The following SDK1 variants were observed in gnomAD, a reference collection of about 807,000 sequenced individuals.
SDK1 encodes the protein protein sidekick-1.
Under a neutral mutation model 245.5 loss-of-function variants are expected in SDK1, and 157 were observed. The observed-to-expected ratio is 0.64, with a 90% CI of 0.56 to 0.73. SDK1 has a LOEUF of 0.73. SDK1 is among the 30% of genes least tolerant of loss of function. SDK1 has a pLI of 0.00. For synonymous variants in SDK1, 1,647 were observed against 1,278.5 expected, an observed-to-expected ratio of 1.29 and a Z score of -6.15; for missense variants, 3,583 against 3,002.3, an observed-to-expected ratio of 1.19 and a Z score of -4.52.
intron 1 of SDK1, among the ~76,000 whole-genome samples, chr7:3,446,690 C>G (rs1024125698): frequency 3.3e-5 from 5 of 152,204 alleles, no homozygotes; most frequent in Admixed American, 6.5e-5. Flanking sequence ...TATTTTCAAA[C>G]AAGACAAAAT....
chr7:3,780,270 C>G (rs544307637), intron 4 of SDK1, among the ~76,000 whole-genome samples: 1 of 152,292 alleles, frequency 6.6e-6, no homozygotes, highest in South Asian at 2.1e-4. Flanking sequence ...GAAAGAGAAC[C>G]AGAGGCAGTC....
chr7:4,054,104 A>AG (rs1265100714), intron 19 of SDK1, among the ~76,000 whole-genome samples: 3 of 150,218 alleles, frequency 2.0e-5, no homozygotes, highest in African/African-American at 7.5e-5. Context: ...ACGTCTGGCC[A>AG]ATTTTTTTGT....
intron 4 of SDK1, among the ~76,000 whole-genome samples, chr7:3,809,763 G>A (rs970675295): frequency 2.0e-5 from 3 of 152,224 alleles, no homozygotes; most frequent in African/African-American, 7.2e-5. Flanking sequence ...ATCACGTGGA[G>A]CGAGGGTCAA....
chr7:3,917,024 A>G (rs1251635033), intron 5 of SDK1, among the ~76,000 whole-genome samples: 1 of 152,212 alleles, frequency 6.6e-6, no homozygotes, highest in African/African-American at 2.4e-5. Context: ...CTGGGGGCAA[A>G]TCTTTTCCAT....
rs555937406 is a variant in SDK1 at position 3,453,449 on chromosome 7, A to AAG, written c.298+151569_298+151570dup. On this transcript the variant is annotated intron_variant, in intron 1 of 44. Transcript: ENST00000404826. ...TAATTAAATTCAGGATCTTGAGATG[A>AAG]AGAGATTATCCTGGATTATCTGGTG... Among the ~76,000 whole-genome samples, 748 of 152,348 alleles carry AAG rather than the reference A, an allele frequency of 4.9e-3. 4 individuals carry two copies. The highest frequency in any genetic ancestry group is 7.6e-3 in the Admixed American group (116 of 15,300).
chr7:3,891,229 A>G (rs1326608780), intron 5 of SDK1, among the ~76,000 whole-genome samples: 1 of 152,166 alleles, frequency 6.6e-6, no homozygotes, highest in African/African-American at 2.4e-5. Flanking sequence ...AAGGACCCGT[A>G]GGCTGGGAGT....
chr7:3,622,465 A>G (rs1781971806), intron 2 of SDK1, among the ~76,000 whole-genome samples: 1 of 152,222 alleles, frequency 6.6e-6, no homozygotes, highest in African/African-American at 2.4e-5. Flanking sequence ...TGGGCTACAG[A>G]GTGAGACTCC....
At chr7:3,717,824 T>C (rs1044345056) in intron 4 of SDK1, among the ~76,000 whole-genome samples, 1 of 152,146 alleles carries the variant, frequency 6.6e-6, no homozygotes, top group Non-Finnish European at 1.5e-5. Flanking sequence ...CTTGAGAAAT[T>C]TGCCACACAT....
At chr7:3,615,284 T>A (rs185456538) in intron 1 of SDK1, among the ~76,000 whole-genome samples, 11 of 151,792 alleles carry the variant, frequency 7.2e-5, no homozygotes, top group African/African-American at 2.4e-4. Context: ...CCATTGCAGT[T>A]CAGCTTTATT....
At chr7:3,464,944 C>A (rs1479473738) in intron 1 of SDK1, among the ~76,000 whole-genome samples, 2 of 152,034 alleles carry the variant, frequency 1.3e-5, no homozygotes, top group African/African-American at 2.4e-5. Flanking sequence ...ACTATAGCTT[C>A]CACTGAGTAG....
chr7:3,939,632 G>T (rs1036125929), intron 5 of SDK1, among the ~76,000 whole-genome samples: 2 of 151,914 alleles, frequency 1.3e-5, no homozygotes, highest in Non-Finnish European at 2.9e-5. Flanking sequence ...GACATTTTAA[G>T]AAAAAAATAA....
intron 5 of SDK1, among the ~76,000 whole-genome samples, chr7:3,942,659 G>C (rs993636604): frequency 2.0e-5 from 3 of 152,170 alleles, no homozygotes; most frequent in Admixed American, 2.0e-4. Flanking sequence ...AAGATACTGA[G>C]TTTTCAGATG....
intron 14 of SDK1, among the ~76,000 whole-genome samples, chr7:4,004,698 A>G (rs1785327233): frequency 6.6e-6 from 1 of 152,342 alleles, no homozygotes; most frequent in Non-Finnish European, 1.5e-5. Flanking sequence ...AGGAAATTCC[A>G]GAAATTATGT....
At chr7:4,150,235 C>T (rs1056874020) in intron 30 of SDK1, among the ~76,000 whole-genome samples, 1 of 152,158 alleles carries the variant, frequency 6.6e-6, no homozygotes, top group Non-Finnish European at 1.5e-5. Context: ...GTTCGCAGGC[C>T]CTGCCTGGGC....
At chr7:4,206,549 C>T (rs979443476) in intron 36 of SDK1, among the ~76,000 whole-genome samples, 1 of 152,164 alleles carries the variant, frequency 6.6e-6, no homozygotes, top group Non-Finnish European at 1.5e-5. Flanking sequence ...GTGAGAAGCC[C>T]ATTGTCACTG....
intron 5 of SDK1, among the ~76,000 whole-genome samples, chr7:3,903,182 C>T (rs1392827078): frequency 2.0e-5 from 3 of 149,484 alleles, no homozygotes; most frequent in Admixed American, 6.7e-5. Context: ...GAGACTCCGT[C>T]GCTCAGGCTA....
intron 4 of SDK1, among the ~76,000 whole-genome samples, chr7:3,728,874 G>A (rs1478608262): frequency 6.6e-6 from 1 of 152,108 alleles, no homozygotes; most frequent in Non-Finnish European, 1.5e-5. Flanking sequence ...CCAAAGTGCT[G>A]TGGGTCCGTG....
intron 8 of SDK1, among the ~76,000 whole-genome samples, chr7:3,961,797 C>T (rs931316399): frequency 8.5e-5 from 13 of 152,236 alleles, no homozygotes; most frequent in East Asian, 5.8e-4. Flanking sequence ...CACCAGGTGC[C>T]GGGCATGAGT....
intron 24 of SDK1, 67 bp from the exon 25 acceptor site, chr7:4,113,970 C>G: frequency 1.5e-6 from 2 of 1,362,794 alleles, no homozygotes; most frequent in South Asian, 1.2e-5. Context: ...GCAGGCCCAT[C>G]CCTTACAACC....
Sources: allele counts gnomAD v4.1 joint callset (sites outside exome capture counted in the v4.1 genomes callset), GRCh38; gene constraint gnomAD v4.1.1; transcripts MANE v1.5; gene names NCBI Gene and HGNC (gene_info 2026-07-23, HGNC 2026-07-21).